The following IFT43 variants were observed in gnomAD, a reference collection of about 807,000 sequenced individuals.
IFT43 encodes intraflagellar transport protein 43 homolog.
IFT43 carries 33 observed loss-of-function variants against 32.3 expected under a neutral mutation model. The observed-to-expected ratio is 1.02, with a 90% confidence interval of 0.77 to 1.37. The LOEUF (loss-of-function observed/expected upper bound fraction) is 1.37. Among genes scored for constraint, IFT43 ranks in the 40% most tolerant of loss-of-function variants. The probability of loss-of-function intolerance (pLI) is 0.00; values close to 1 mark genes in which losing one functional copy is unlikely to be tolerated. For synonymous variants in IFT43, 93 were observed against 98.2 expected, an observed-to-expected ratio of 0.95 and a Z score of 0.31; for missense variants, 274 against 265.9, an observed-to-expected ratio of 1.03 and a Z score of -0.21.
chr14:75,992,531 A>G (rs2035664184), intron 2 of IFT43, among the ~76,000 whole-genome samples: 1 of 152,174 alleles, frequency 6.6e-6, no homozygotes, highest in African/African-American at 2.4e-5. Context: ...GTAGGTATCC[A>G]GAGCAGAGGG....
intron 3 of IFT43, among the ~76,000 whole-genome samples, chr14:76,057,324 C>T (rs572731026): frequency 3.7e-4 from 57 of 152,182 alleles, no homozygotes; most frequent in Middle Eastern, 3.4e-3. Flanking sequence ...CTCCACCTTC[C>T]GTGTTCAAGC....
At chr14:76,069,372 AG>A (rs1293740068) in intron 5 of IFT43, among the ~76,000 whole-genome samples, 1 of 152,122 alleles carries the variant, frequency 6.6e-6, no homozygotes, top group Non-Finnish European at 1.5e-5. Flanking sequence ...TTGTCAGAAA[AG>A]GGGGGTATGA....
chr14:76,037,882 A>T (rs1391192889), intron 3 of IFT43, among the ~76,000 whole-genome samples: 1 of 152,198 alleles, frequency 6.6e-6, no homozygotes, highest in Non-Finnish European at 1.5e-5. Context: ...AATTTGGGGC[A>T]TTTCTTACAG....
intron 3 of IFT43, among the ~76,000 whole-genome samples, chr14:76,044,862 C>T (rs1338136498): frequency 6.6e-6 from 1 of 152,194 alleles, no homozygotes; most frequent in Non-Finnish European, 1.5e-5. Flanking sequence ...TCTTCCTCCT[C>T]CTCCTGATCC....
chr14:76,029,236 T>C (rs1284946429), intron 3 of IFT43, among the ~76,000 whole-genome samples: 1 of 152,288 alleles, frequency 6.6e-6, no homozygotes, highest in Admixed American at 6.5e-5. Context: ...CATTTATTCA[T>C]ATGTTTGTTG....
intron 5 of IFT43, among the ~76,000 whole-genome samples, chr14:76,064,146 A>AT (rs1232932487): frequency 2.0e-5 from 3 of 152,202 alleles, no homozygotes; most frequent in African/African-American, 7.2e-5. Flanking sequence ...GTATCTCTTC[A>AT]TGACAGATCT....
intron 2 of IFT43, among the ~76,000 whole-genome samples, chr14:76,021,443 TATA>T (rs2036290326): frequency 6.6e-6 from 1 of 152,224 alleles, no homozygotes; most frequent in East Asian, 1.9e-4. Context: ...GTCATGTACA[TATA>T]ACTCATTAAC....
intron 3 of IFT43, among the ~76,000 whole-genome samples, chr14:76,056,935 A>T (rs2037029705): frequency 2.0e-5 from 3 of 152,116 alleles, no homozygotes; most frequent in African/African-American, 7.2e-5. Flanking sequence ...TGCCCTGGGC[A>T]CCCTGCAGTG....
chr14:76,075,343 G>A (rs949383406), intron 5 of IFT43, among the ~76,000 whole-genome samples: 4 of 152,216 alleles, frequency 2.6e-5, no homozygotes, highest in South Asian at 2.1e-4. Context: ...GACCTGAGAC[G>A]TGTTTGTGCC....
intron 5 of IFT43, among the ~76,000 whole-genome samples, chr14:76,059,800 C>T (rs1646458833): frequency 6.6e-6 from 1 of 152,192 alleles, no homozygotes. Context: ...ACCACAACCC[C>T]GTAGTACTAC....
intron 8 of IFT43, 61 bp downstream of exon 8, chr14:76,083,350 T>C (rs2037550300): frequency 6.2e-7 from 1 of 1,609,908 alleles, no homozygotes; most frequent in Non-Finnish European, 8.5e-7. Context: ...ACCAGCCGAC[T>C]CCCGGGCTGG....
intron 3 of IFT43, among the ~76,000 whole-genome samples, chr14:76,043,939 G>A (rs1315955272): frequency 4.7e-4 from 71 of 152,208 alleles, no homozygotes; most frequent in Non-Finnish European, 7.4e-5. Context: ...GTGTTCCTAT[G>A]ACCCCCTTTC....
intron 2 of IFT43, among the ~76,000 whole-genome samples, chr14:76,007,446 G>A (rs769194834): frequency 1.3e-5 from 2 of 152,144 alleles, no homozygotes; most frequent in Non-Finnish European, 2.9e-5. Flanking sequence ...GAGGAGTCTT[G>A]TGAGAGATCA....
At chr14:75,988,798 G>A in intron 1 of IFT43, 87 bp from the exon 2 acceptor site, 1 of 1,603,346 alleles carries the variant, frequency 6.2e-7, no homozygotes, top group Non-Finnish European at 8.5e-7. Context: ...GATTGCAGCT[G>A]TGAGCCACTG....
chr14:76,046,282 G>A (rs960432760), intron 3 of IFT43, among the ~76,000 whole-genome samples: 8 of 152,146 alleles, frequency 5.3e-5, no homozygotes, highest in East Asian at 3.9e-4. Context: ...CAGCTGGTGC[G>A]GAGGCTTTGT....
In IFT43 at chr14:76,016,049, G is replaced by A. The variant is rs1180453145; in HGVS notation, c.148-6278G>A. Among the ~76,000 whole-genome samples, 5 of 152,120 alleles carry A rather than the reference G, an allele frequency of 3.3e-5. No individual in the cohort carries two copies. In the East Asian group the frequency reaches 9.6e-4, roughly 29 times the overall value. The stretch of plus-strand genomic sequence containing the variant: ...GGTTTTTTGCTATTGAATTGTTTGA[G>A]TTTCTTGCATATTCTGGATGCTCGT... On this transcript the variant is annotated intron_variant, in intron 2 of 8. Transcript: ENST00000314067.
chr14:76,002,924 AGT>A (rs1057499999), intron 2 of IFT43, among the ~76,000 whole-genome samples: 1 of 152,218 alleles, frequency 6.6e-6, no homozygotes, highest in African/African-American at 2.4e-5. Flanking sequence ...AGATGTAGAG[AGT>A]GTGCTGTGAA....
At chr14:76,056,912 AC>A (rs2037029041) in intron 3 of IFT43, among the ~76,000 whole-genome samples, 1 of 152,192 alleles carries the variant, frequency 6.6e-6, no homozygotes, top group African/African-American at 2.4e-5. Flanking sequence ...ATCCAGCAAC[AC>A]CAGGCTGGGG....
chr14:75,997,604 A>G (rs909090127), intron 2 of IFT43, among the ~76,000 whole-genome samples: 8 of 152,222 alleles, frequency 5.3e-5, no homozygotes, highest in African/African-American at 1.9e-4. Flanking sequence ...GTGTTCAGAA[A>G]TCTTTTTTTG....
Sources: gnomAD v4.1 joint callset for allele counts (sites outside exome capture counted in the v4.1 genomes callset) on GRCh38, gnomAD v4.1.1 for gene constraint, MANE v1.5 for transcripts, NCBI Gene and HGNC (gene_info 2026-07-23, HGNC 2026-07-21) for gene names.